DIP2B: variants seen among roughly 807,000 people sequenced by gnomAD.
DIP2B encodes the protein DIP2 acetate--CoA ligase B (putative).
In DIP2B, 76 loss-of-function variants were observed where a neutral mutation model predicts 198.0. That is an observed-to-expected ratio of 0.38 (90% CI 0.32 to 0.46). The LOEUF is 0.46. DIP2B is among the 20% of genes least tolerant of loss of function. The pLI is 0.99. For missense variants in DIP2B, 1,559 were observed against 1,978.4 expected (o/e 0.79, Z 4.02); for synonymous variants, 701 against 739.1 (o/e 0.95, Z 0.84).
chr12:50,738,640 A>G (rs1940180758), intron 35 of DIP2B, among the ~76,000 whole-genome samples: 1 of 151,972 alleles, frequency 6.6e-6, no homozygotes, highest in African/African-American at 2.4e-5. Flanking sequence ...GCACACCACC[A>G]CGCCTGGCTA....
intron 9 of DIP2B, among the ~76,000 whole-genome samples, chr12:50,682,628 CAAAA>C (rs58672851): frequency 7.1e-5 from 3 of 42,130 alleles, no homozygotes; most frequent in African/African-American, 1.9e-4. Context: ...GACTCTGTCT[CAAAA>C]AAAAAAAAAA....
At chr12:50,598,228 A>C (rs1440171190) in intron 1 of DIP2B, among the ~76,000 whole-genome samples, 2 of 152,212 alleles carry the variant, frequency 1.3e-5, no homozygotes, top group African/African-American at 4.8e-5. Flanking sequence ...CACATAATTA[A>C]GGTAATAAGG....
At chr12:50,507,929 G>T (rs1957982604) in intron 1 of DIP2B, among the ~76,000 whole-genome samples, 1 of 149,662 alleles carries the variant, frequency 6.7e-6, no homozygotes, top group Non-Finnish European at 1.5e-5. Flanking sequence ...TTTTTTTAAG[G>T]TTCAGCCTGT....
At chr12:50,669,086 A>G (rs760115789) in intron 4 of DIP2B, among the ~76,000 whole-genome samples, 6 of 152,088 alleles carry the variant, frequency 3.9e-5, no homozygotes, top group South Asian at 2.1e-4. Flanking sequence ...TCTTTGCTCT[A>G]TGTACAAAGA....
chr12:50,723,835 G>A (rs1029884387), intron 27 of DIP2B, among the ~76,000 whole-genome samples: 2 of 152,128 alleles, frequency 1.3e-5, no homozygotes, highest in Non-Finnish European at 2.9e-5. Context: ...GATTTTAAAT[G>A]CCAAACTGAA....
chr12:50,674,892 C>T (rs1938919178), intron 6 of DIP2B, among the ~76,000 whole-genome samples: 1 of 152,124 alleles, frequency 6.6e-6, no homozygotes. Flanking sequence ...GGGCCGGGCA[C>T]GGTGGCTCAC....
intron 22 of DIP2B, among the ~76,000 whole-genome samples, chr12:50,712,982 T>C (rs1333664718): frequency 1.3e-5 from 2 of 152,202 alleles, no homozygotes; most frequent in Non-Finnish European, 2.9e-5. Context: ...ATAGAAAATA[T>C]CTAAGTATGT....
At chr12:50,584,236 C>A (rs1386674207) in intron 1 of DIP2B, among the ~76,000 whole-genome samples, 11 of 152,338 alleles carry the variant, frequency 7.2e-5, no homozygotes, top group African/African-American at 1.9e-4. Context: ...CTCACAGGTA[C>A]AGAGGCAAGT....
chr12:50,663,555 C>CAAATAAATAAATAAAT (rs60815215), intron 4 of DIP2B, among the ~76,000 whole-genome samples: 16,823 of 141,634 alleles, frequency 0.12, 1,359 homozygotes, highest in African/African-American at 0.2. Flanking sequence ...GACTCCGTCT[C>CAAATAAATAAATAAAT]AAATAAATAA....
At chr12:50,505,302 A>T (rs1164265802) in intron 1 of DIP2B, 62 bp downstream of exon 1, 2 of 1,330,986 alleles carry the variant, frequency 1.5e-6, no homozygotes, top group East Asian at 5.8e-5. Context: ...CTTGGGAGAC[A>T]GGTCCCCGCC....
chr12:50,717,619 G>C (rs536042249), intron 23 of DIP2B, among the ~76,000 whole-genome samples: 2 of 150,412 alleles, frequency 1.3e-5, no homozygotes, highest in Non-Finnish European at 3.0e-5. Context: ...CGCCCGCCTC[G>C]GCCTCCCAAA....
Position 50,741,450 on chromosome 12 carries a change from G to T in DIP2B, c.4389G>T (p.Leu1463=). ...RHDALYVVGA[L]DETLELRGLR... is the part of the protein sequence containing the mutation. ...ATGCATTGTATGTGGTGGGAGCGCT[G>T]GATGAAACACTGGAGCTGAGAGGAT... Residue 1463 remains leucine, a synonymous_variant, in exon 37 of 38, where the codon CTG becomes CTT. Coordinates refer to ENST00000301180, the MANE Select transcript of DIP2B (RefSeq NM_173602.3). 1 of 1,614,092 alleles carries T rather than the reference G, an allele frequency of 6.2e-7. No homozygotes were observed. The highest frequency in any genetic ancestry group is 8.5e-7 in the Non-Finnish European group (1 of 1,180,022).
chr12:50,670,167 GC>G (rs1331054280), intron 4 of DIP2B, among the ~76,000 whole-genome samples: 1 of 125,096 alleles, frequency 8.0e-6, no homozygotes, highest in South Asian at 2.5e-4. Flanking sequence ...TCTAATTTAG[GC>G]CTATTTTCCT....
intron 1 of DIP2B, among the ~76,000 whole-genome samples, chr12:50,536,271 G>GCATACATACATACATACATACATA: frequency 2.0e-5 from 3 of 148,080 alleles, no homozygotes; most frequent in East Asian, 4.1e-4. Context: ...CTAAATACGT[G>GCATACATACATACATACATACATA]CATACATACA....
chr12:50,615,082 C>T (rs999149632), intron 1 of DIP2B, among the ~76,000 whole-genome samples: 1 of 152,162 alleles, frequency 6.6e-6, no homozygotes, highest in East Asian at 1.9e-4. Flanking sequence ...GATACTATTA[C>T]TTATTGCCTG....
At chr12:50,638,925 G>A (rs1216621170) in intron 2 of DIP2B, among the ~76,000 whole-genome samples, 2 of 151,708 alleles carry the variant, frequency 1.3e-5, no homozygotes, top group Non-Finnish European at 2.9e-5. Flanking sequence ...CTGAAAATTG[G>A]CAATTAGAAA....
intron 11 of DIP2B, among the ~76,000 whole-genome samples, 187 bp from the exon 12 acceptor site, chr12:50,686,386 C>T (rs986526146): frequency 4.6e-5 from 7 of 152,092 alleles, no homozygotes; most frequent in African/African-American, 1.4e-4. Flanking sequence ...GCATGTGGAA[C>T]GATTGTACTT....
chr12:50,632,568 G>C (rs1288957617), intron 2 of DIP2B, among the ~76,000 whole-genome samples: 1 of 147,012 alleles, frequency 6.8e-6, no homozygotes, highest in Non-Finnish European at 1.5e-5. Context: ...ACAGAGTCTC[G>C]CTCTGTCACC....
At chr12:50,516,241 C>CTCTATCTCTA (rs1555180930) in intron 1 of DIP2B, among the ~76,000 whole-genome samples, 18 of 141,102 alleles carry the variant, frequency 1.3e-4, no homozygotes, top group African/African-American at 3.6e-4. Flanking sequence ...CTCTCTCTCT[C>CTCTATCTCTA]TCTCTATCTC....
Sources: allele counts gnomAD v4.1 joint callset (sites outside exome capture counted in the v4.1 genomes callset), GRCh38; gene constraint gnomAD v4.1.1; transcripts MANE v1.5; gene names NCBI Gene and HGNC (gene_info 2026-07-23, HGNC 2026-07-21).